SH3KBP1: variants seen among roughly 807,000 people sequenced by gnomAD.
SH3KBP1 encodes the protein SH3 domain containing kinase binding protein 1.
SH3KBP1 carries 8 observed loss-of-function variants against 50.1 expected under a neutral mutation model. The observed-to-expected ratio is 0.16, with a 90% CI of 0.09 to 0.29. SH3KBP1 has a LOEUF of 0.29. Among genes scored for constraint, SH3KBP1 ranks in the 10% least tolerant of loss-of-function variants. The probability of loss-of-function intolerance (pLI) is 1.00; values close to 1 mark genes in which losing one functional copy is unlikely to be tolerated. For missense variants in SH3KBP1, 377 were observed against 535.2 expected, an observed-to-expected ratio of 0.70 and a Z score of 2.92; for synonymous variants, 227 against 218.6, an observed-to-expected ratio of 1.04 and a Z score of -0.34.
chrX:19,758,754 T>C (rs1292054614), intron 2 of SH3KBP1, among the ~76,000 whole-genome samples: 1 of 111,637 alleles, frequency 9.0e-6, no homozygotes, highest in East Asian at 2.8e-4. Flanking sequence ...GTTTCTGCTG[T>C]CTTTTTAACA....
At chrX:19,807,206 A>G (rs1461039350) in intron 2 of SH3KBP1, among the ~76,000 whole-genome samples, 1 of 112,065 alleles carries the variant, frequency 8.9e-6, no homozygotes, top group Non-Finnish European at 1.9e-5. Flanking sequence ...TACAAACAAG[A>G]TCTAACAGAT....
chrX:19,640,399 C>T (rs1410162238), intron 7 of SH3KBP1, among the ~76,000 whole-genome samples: 1 of 111,439 alleles, frequency 9.0e-6, no homozygotes, highest in Non-Finnish European at 1.9e-5. Flanking sequence ...TGACCCCTTG[C>T]CGTGCAGCCC....
At chrX:19,666,596 C>T (rs904652496) in intron 6 of SH3KBP1, among the ~76,000 whole-genome samples, 3 of 111,458 alleles carry the variant, frequency 2.7e-5, no homozygotes, top group Non-Finnish European at 5.7e-5. Context: ...TTCCTTCCCC[C>T]TCAGTGACAG....
At chrX:19,559,663 A>G (rs1407498806) in intron 13 of SH3KBP1, among the ~76,000 whole-genome samples, 1 of 111,049 alleles carries the variant, frequency 9.0e-6, no homozygotes, top group Non-Finnish European at 1.9e-5. Context: ...ATGTCACTCA[A>G]TTCTCTGAAC....
chrX:19,610,962 G>T (rs1237810093), intron 8 of SH3KBP1, among the ~76,000 whole-genome samples: 2 of 111,440 alleles, frequency 1.8e-5, no homozygotes, highest in East Asian at 5.6e-4. Flanking sequence ...TCGGCTCACT[G>T]CAGCCTTGAC....
rs947508538 is a variant in SH3KBP1, at chrX:19,711,373, C to A, written c.287-4389G>T. Among the ~76,000 whole-genome samples, 12 of 111,632 alleles carry A rather than the reference C, an allele frequency of 1.1e-4. No homozygotes were observed. In the South Asian group the frequency reaches 3.0e-3, roughly 28 times the overall value. ...ATTGCCTTCTCAGAAAAGGAAATAG[C>A]AGAAACTGACTACGGTGTCATGACC... On this transcript the variant is annotated intron_variant, in intron 3 of 17. Transcript: ENST00000397821.
intron 2 of SH3KBP1, among the ~76,000 whole-genome samples, chrX:19,772,707 T>C (rs2065827380): frequency 9.0e-6 from 1 of 111,295 alleles, no homozygotes; most frequent in Non-Finnish European, 1.9e-5. Flanking sequence ...AGGACAAATG[T>C]AATGCAAAGT....
intron 12 of SH3KBP1, among the ~76,000 whole-genome samples, chrX:19,581,217 A>G (rs1013642720): frequency 1.2e-4 from 13 of 112,118 alleles, no homozygotes; most frequent in Admixed American, 9.5e-4. Flanking sequence ...CACCGGGATT[A>G]CACATGTGAG....
chrX:19,638,940 A>G (rs1482614390), intron 7 of SH3KBP1, among the ~76,000 whole-genome samples: 1 of 111,996 alleles, frequency 8.9e-6, no homozygotes, highest in Non-Finnish European at 1.9e-5. Context: ...CTTCCCAGGA[A>G]ATACTGGCAA....
intron 3 of SH3KBP1, among the ~76,000 whole-genome samples, chrX:19,730,020 G>A (rs2064330123): frequency 9.1e-6 from 1 of 109,746 alleles, no homozygotes. Flanking sequence ...TTTCCTTTTT[G>A]TACATAGTTT....
chrX:19,832,237 C>A (rs765979233), intron 2 of SH3KBP1, among the ~76,000 whole-genome samples: 2 of 111,766 alleles, frequency 1.8e-5, no homozygotes, highest in East Asian at 5.6e-4. Context: ...AGCAGGTGAG[C>A]GCAGGGCAAT....
chrX:19,854,545 A>C (rs2068595886), intron 1 of SH3KBP1, among the ~76,000 whole-genome samples: 2 of 112,340 alleles, frequency 1.8e-5, no homozygotes, highest in African/African-American at 6.5e-5. Flanking sequence ...ATAGGTCTGG[A>C]ATGAATATTG....
intron 3 of SH3KBP1, among the ~76,000 whole-genome samples, chrX:19,723,718 A>G (rs750726902): frequency 4.7e-4 from 53 of 112,252 alleles, no homozygotes; most frequent in African/African-American, 1.6e-3. Flanking sequence ...TTTTATAGTA[A>G]GTCTAAGAAA....
At position 19,837,633 on chromosome X, in the gene SH3KBP1, G is replaced by A. The variant is rs1395275510; in HGVS notation, c.5-1351C>T. On this transcript the variant is annotated intron_variant, in intron 1 of 17. Transcript: ENST00000397821. ...TTTTTGTATTTTTAGTAGAGACGGG[G>A]TTTCACCATGTTGGCCAGGCTGGTC... 1.8e-5 allele frequency among the ~76,000 whole-genome samples: 2 copies of A among 109,022 alleles called. 1 individual carries two copies. Among genetic ancestry groups the A allele is most frequent in the East Asian group, 5.7e-4 (2 of 3,493 alleles). The allele number at this position is 109,022 out of a possible 115,157, so 94.7% of individuals were successfully genotyped here. A position where few individuals can be genotyped will look rare whatever the true frequency, so the allele number is the denominator to read the frequency against.
intron 2 of SH3KBP1, among the ~76,000 whole-genome samples, chrX:19,759,392 G>A (rs1018466650): frequency 8.9e-6 from 1 of 111,991 alleles, no homozygotes; most frequent in African/African-American, 3.2e-5. Flanking sequence ...ACTTTTGGCA[G>A]TGACCAGCAC....
At chrX:19,554,355 TTATATATCATATTAAAATATAA>T (rs1256631666) in intron 13 of SH3KBP1, among the ~76,000 whole-genome samples, 7 of 85,547 alleles carry the variant, frequency 8.2e-5, no homozygotes, top group African/African-American at 1.6e-4. Context: ...TATTAATATA[TTATATATCATATTAAAATATAA>T]TATATATCAT....
chrX:19,744,613 T>G (rs1360208022), intron 3 of SH3KBP1, among the ~76,000 whole-genome samples: 1 of 111,993 alleles, frequency 8.9e-6, no homozygotes, highest in Admixed American at 9.4e-5. Context: ...ATTCCACATA[T>G]AAAATGCCTC....
intron 7 of SH3KBP1, among the ~76,000 whole-genome samples, chrX:19,639,513 G>T (rs2061800491): frequency 9.0e-6 from 1 of 110,961 alleles, no homozygotes; most frequent in African/African-American, 3.3e-5. Flanking sequence ...AACACAAAGG[G>T]AGTTAACCTT....
At chrX:19,842,939 C>T (rs1263141447) in intron 1 of SH3KBP1, among the ~76,000 whole-genome samples, 1 of 109,684 alleles carries the variant, frequency 9.1e-6, no homozygotes, top group Non-Finnish European at 1.9e-5. Flanking sequence ...CTTTTTGCTA[C>T]CTTAGTTAAG....
Sources: allele counts gnomAD v4.1 joint callset (sites outside exome capture counted in the v4.1 genomes callset), GRCh38; gene constraint gnomAD v4.1.1; transcripts MANE v1.5; gene names NCBI Gene and HGNC (gene_info 2026-07-23, HGNC 2026-07-21).